Variants in ZNF37A observed in about 807,000 individuals in gnomAD.
The protein encoded by ZNF37A is zinc finger protein 37a (KOX 21).
ZNF37A carries 10 observed loss-of-function variants against 12.3 expected under a neutral mutation model. The observed-to-expected ratio is 0.82, with a 90% confidence interval of 0.50 to 1.38. The LOEUF is 1.38. ZNF37A is among the 40% of genes most tolerant of loss of function. ZNF37A has a pLI of 0.00. For missense variants in ZNF37A, 580 were observed against 651.2 expected (o/e 0.89, Z 1.19); for synonymous variants, 207 against 223.0 (o/e 0.93, Z 0.64).
intron 6 of ZNF37A, 112 bp from the exon 7 acceptor site, chr10:38,115,082 TG>T (rs2069144617): frequency 1.4e-6 from 1 of 730,468 alleles, no homozygotes; most frequent in Non-Finnish European, 2.1e-6. Context: ...TGTGTGTGTG[TG>T]TGTGTGTGTG....
intron 7 of ZNF37A, among the ~76,000 whole-genome samples, chr10:38,133,189 A>G (rs1303533830): frequency 6.6e-6 from 1 of 152,154 alleles, no homozygotes; most frequent in Admixed American, 6.6e-5. Flanking sequence ...TTTTGTATTG[A>G]AATTGTTGCA....
Position 38,114,794 on chromosome 10 carries a change from CAAGAG to C in ZNF37A, c.56_60del (p.Gln19ArgfsTer33). On this transcript the variant is annotated frameshift_variant, in exon 6 of 8. Transcript: ENST00000685332. LOFTEE classifies it high-confidence loss of function. ...TAGGGATGTGACTGTGGGCTTCACT[CAAGAG>C]GAGTGGCAGCATCTGGACCCTGCTC... The C allele has an allele frequency of 6.2e-7, 1 of 1,613,926 alleles. No homozygotes were observed. Among genetic ancestry groups the C allele is most frequent in the Non-Finnish European group, 8.5e-7 (1 of 1,179,988 alleles).
intron 5 of ZNF37A, among the ~76,000 whole-genome samples, chr10:38,111,058 C>G (rs941421091): frequency 9.9e-5 from 15 of 152,068 alleles, no homozygotes; most frequent in African/African-American, 2.9e-4. Flanking sequence ...GCACTGTTCA[C>G]AATAGCAAAG....
Position 38,122,286 on chromosome 10 carries a change from A to C in ZNF37A, c.*3449A>C, listed in dbSNP as rs1283145798. ...TGTCATTCAGCAGGTTAATGGATAA[A>C]CTGTGGAACATCCAGAAAACTTTAA... On this transcript the variant is annotated 3_prime_UTR_variant, in exon 8 of 8. Transcript: ENST00000685332. 30 of 152,154 alleles carry C rather than the reference A, an allele frequency of 2.0e-4. No homozygotes were observed. Among genetic ancestry groups the C allele is most frequent in the Admixed American group, 2.0e-3 (30 of 15,270 alleles). 9.4% of individuals were successfully genotyped at this position (152,154 alleles called of 1,614,324 possible). A position where few individuals can be genotyped will look rare whatever the true frequency, so the allele number is the denominator to read the frequency against.
Position 38,121,210 on chromosome 10 carries a change from A to C in ZNF37A, c.*2373A>C, listed in dbSNP as rs1409656676. 1 of 152,152 alleles carries C rather than the reference A, an allele frequency of 6.6e-6. No homozygotes were observed. Among genetic ancestry groups the C allele is most frequent in the East Asian group, 1.9e-4 (1 of 5,206 alleles). The allele number at this position is 152,152 out of a possible 1,614,324, so 9.4% of individuals were successfully genotyped here. A position where few individuals can be genotyped will look rare whatever the true frequency, so the allele number is the denominator to read the frequency against. ...ACAACCTTGATAACAAAACCTAAAA[A>C]AAAAACAACAAAAAAACCCATAAAG... On this transcript the variant is annotated 3_prime_UTR_variant, in exon 8 of 8. Transcript: ENST00000685332.
intron 3 of ZNF37A, 44 bp downstream of exon 3, chr10:38,095,673 G>C (rs1397693331): frequency 6.6e-6 from 1 of 152,264 alleles, no homozygotes; most frequent in Non-Finnish European, 1.5e-5. Context: ...AGATGGGATG[G>C]GGTGGGGTGG....
exon 8 of ZNF37A, chr10:38,146,844 C>T (rs554445283): frequency 2.9e-4 from 117 of 398,076 alleles, no homozygotes; most frequent in South Asian, 5.1e-4. Context: ...AAGACAAAGA[C>T]ACAGAAATAA....
At chr10:38,112,738 T>G (rs185876650) in intron 5 of ZNF37A, among the ~76,000 whole-genome samples, 8,738 of 58,538 alleles carry the variant, frequency 0.15, 1,904 homozygotes, top group African/African-American at 0.22. Flanking sequence ...CCATTTTCTT[T>G]TCTTTTCTTT....
chr10:38,143,102 G>T (rs1377011660), intron 7 of ZNF37A: 1 of 152,202 alleles, frequency 6.6e-6, no homozygotes, highest in Non-Finnish European at 1.5e-5. Flanking sequence ...CCCCCTGGCA[G>T]CCCACAGTGT....
At chr10:38,111,779 G>C (rs1377634945) in intron 5 of ZNF37A, among the ~76,000 whole-genome samples, 2 of 152,070 alleles carry the variant, frequency 1.3e-5, no homozygotes, top group African/African-American at 4.8e-5. Context: ...CCCTTAGCTG[G>C]TGTTCATCTG....
intron 5 of ZNF37A, among the ~76,000 whole-genome samples, chr10:38,112,385 A>T (rs1454071619): frequency 6.6e-6 from 1 of 152,096 alleles, no homozygotes; most frequent in African/African-American, 2.4e-5. Flanking sequence ...ATGTATGCCT[A>T]GTGTTCCATT....
At position 38,118,728 on chromosome 10, in the gene ZNF37A, A is replaced by G. The variant is rs2069501758; in HGVS notation, c.1577A>G (p.Asn526Ser). The change falls in exon 8 of 8, where the codon AAT becomes AGT. Residue 526 changes from asparagine (N) to serine (S), a missense_variant. Transcript: ENST00000685332. The part of the protein sequence containing the change: ...THTGEKPYEC[N>S]VCGKSFYVKS... ...ACAGGGGAGAAACCCTATGAATGTA[A>G]TGTTTGTGGAAAATCATTCTATGTT... 1.2e-6 allele frequency: 2 copies of G among 1,613,730 alleles called. No individual in the cohort carries two copies. The highest frequency in any genetic ancestry group is 8.5e-7 in the Non-Finnish European group (1 of 1,179,924).
rs2069774300 is a variant in ZNF37A, at chr10:38,122,631, A to C, written c.*3794A>C. ...CTGGGAAAACTGGATATCCATATGCAGAAGAATGAAACTAGACCCCCATCT... is the reference window on the plus strand; with the variant it reads ...CTGGGAAAACTGGATATCCATATGCCGAAGAATGAAACTAGACCCCCATCT... On this transcript the variant is annotated 3_prime_UTR_variant, in exon 8 of 8. Transcript: ENST00000685332. 2 of 152,248 alleles carry C rather than the reference A, an allele frequency of 1.3e-5. No individual in the cohort carries two copies. Among genetic ancestry groups the C allele is most frequent in the Admixed American group, 1.3e-4 (2 of 15,284 alleles). 9.4% of individuals were successfully genotyped at this position (152,248 alleles called of 1,614,324 possible).
rs776566580 is a variant in ZNF37A at position 38,117,953 on chromosome 10, G to T, written c.802G>T (p.Glu268Ter). ...TTTACAACAGAGAACACATACAGGAGAAAAACCTTATGAATGTCATGAATG... is the reference window on the plus strand; with the variant it reads ...TTTACAACAGAGAACACATACAGGATAAAAACCTTATGAATGTCATGAATG... ...LHLQQRTHTG[E>*]KPYECHECGK... The change falls in exon 8 of 8, where the codon GAA (glutamate) becomes TAA (stop). Residue 268 changes from glutamate (E) to a stop codon, truncating the protein, a stop_gained. Coordinates refer to ENST00000685332, the MANE Select transcript of ZNF37A (RefSeq NM_001324250.3). LOFTEE classifies it low-confidence loss of function (END_TRUNC). 4 of 1,613,878 alleles carry T rather than the reference G, an allele frequency of 2.5e-6. No individual in the cohort carries two copies. The South Asian group carries it at 4.4e-5, about 18-fold the overall frequency.
In ZNF37A at chr10:38,118,889, T is replaced by C. The variant is rs546140605; in HGVS notation, c.*52T>C. 8.3e-5 allele frequency: 125 copies of C among 1,513,756 alleles called. No individual in the cohort carries two copies. Among genetic ancestry groups the C allele is most frequent in the Non-Finnish European group, 9.9e-5 (113 of 1,135,800 alleles). The allele number at this position is 1,513,756 out of a possible 1,614,324, so 93.8% of individuals were successfully genotyped here. A position where few individuals can be genotyped will look rare whatever the true frequency, so the allele number is the denominator to read the frequency against. On this transcript the variant is annotated 3_prime_UTR_variant, in exon 8 of 8. Transcript: ENST00000685332. ...ATAAAGGGTGAGAGAAATCTGTTAA[T>C]ATAATGATAATGAGAACACCTTTGC...
Position 38,119,937 on chromosome 10 carries a change from A to C in ZNF37A, c.*1100A>C, listed in dbSNP as rs776649949. The C allele has an allele frequency of 1.3e-5, 2 of 152,222 alleles. No homozygotes were observed. Among genetic ancestry groups the C allele is most frequent in the African/African-American group, 4.8e-5 (2 of 41,450 alleles). The allele number at this position is 152,222 out of a possible 1,614,324, so 9.4% of individuals were successfully genotyped here. A position where few individuals can be genotyped will look rare whatever the true frequency, so the allele number is the denominator to read the frequency against. On this transcript the variant is annotated 3_prime_UTR_variant, in exon 8 of 8. Coordinates refer to ENST00000685332, the MANE Select transcript of ZNF37A (RefSeq NM_001324250.3). The stretch of plus-strand genomic sequence containing the variant: ...CAATTTGCCTTGTATGCAACTTATG[A>C]GGATTAGTAGAAGAGAGTGGGTCCA...
rs2069383286 is a variant in ZNF37A, at chr10:38,117,661, AC to A, written c.511del (p.Gln171ArgfsTer58). On this transcript the variant is annotated frameshift_variant, in exon 8 of 8. Transcript: ENST00000685332. LOFTEE classifies it low-confidence loss of function (END_TRUNC). Reference sequence around the variant, plus strand: ...TTGTACATAAGAGAGGTTACACAGGACAGAAAACCTGCAAATATACTGAACA... The same window carrying A: ...TTGTACATAAGAGAGGTTACACAGGAAGAAAACCTGCAAATATACTGAACA... ...FLVHKRGYTG[Q>X]KTCKYTEHGK... is the part of the protein sequence containing the mutation. 6.2e-7 allele frequency: 1 copy of A among 1,613,838 alleles called. No homozygotes were observed. Among genetic ancestry groups the A allele is most frequent in the African/African-American group, 1.3e-5 (1 of 74,920 alleles).
rs1429945378 is a variant in ZNF37A at position 38,119,951 on chromosome 10, A to C, written c.*1114A>C. 6.6e-6 allele frequency: 1 copy of C among 152,222 alleles called. No individual in the cohort carries two copies. Among genetic ancestry groups the C allele is most frequent in the Non-Finnish European group, 1.5e-5 (1 of 68,044 alleles). The allele number at this position is 152,222 out of a possible 1,614,324, so 9.4% of individuals were successfully genotyped here. On this transcript the variant is annotated 3_prime_UTR_variant, in exon 8 of 8. Transcript: ENST00000685332. ...TGCAACTTATGAGGATTAGTAGAAG[A>C]GAGTGGGTCCAGATTTCTGGTGGTT...
intron 7 of ZNF37A, chr10:38,139,747 A>G (rs2070157214): frequency 6.6e-6 from 1 of 152,132 alleles, no homozygotes; most frequent in Admixed American, 6.6e-5. Flanking sequence ...TCTTCCTTCA[A>G]GCCTCTGAAA....
Sources: gnomAD v4.1 joint callset for allele counts (sites outside exome capture counted in the v4.1 genomes callset) on GRCh38, gnomAD v4.1.1 for gene constraint, MANE v1.5 for transcripts, NCBI Gene and HGNC (gene_info 2026-07-23, HGNC 2026-07-21) for gene names.